The following CDC42BPA variants were observed in gnomAD, a reference collection of about 807,000 sequenced individuals.
CDC42BPA encodes CDC42 binding protein kinase alpha.
A neutral mutation model predicts 223.5 loss-of-function variants in CDC42BPA; 80 were observed. The observed-to-expected ratio is 0.36, with a 90% CI of 0.30 to 0.43. The LOEUF is 0.43. Among genes scored for constraint, CDC42BPA ranks in the 20% least tolerant of loss-of-function variants. CDC42BPA has a pLI of 1.00. For synonymous variants in CDC42BPA, 694 were observed against 718.6 expected (o/e 0.97, Z 0.55); for missense variants, 1,743 against 2,099.9 (o/e 0.83, Z 3.32).
intron 2 of CDC42BPA, among the ~76,000 whole-genome samples, chr1:227,217,386 T>C (rs972069064): frequency 1.4e-4 from 21 of 149,748 alleles, no homozygotes; most frequent in African/African-American, 5.2e-4. Context: ...GACGGAGGTG[T>C]GGTGAGCCAA....
intron 32 of CDC42BPA, among the ~76,000 whole-genome samples, chr1:227,021,267 T>A (rs1475884322): frequency 1.3e-5 from 2 of 152,072 alleles, no homozygotes; most frequent in Non-Finnish European, 2.9e-5. Context: ...ACCATAAACC[T>A]GCGACTTGTA....
chr1:227,014,382 G>T (rs1200981957), intron 34 of CDC42BPA, among the ~76,000 whole-genome samples: 1 of 151,848 alleles, frequency 6.6e-6, no homozygotes, highest in African/African-American at 2.4e-5. Flanking sequence ...ACTCCACAAA[G>T]AAAAGTATAT....
intron 12 of CDC42BPA, among the ~76,000 whole-genome samples, chr1:227,114,155 C>T (rs940717253): frequency 2.0e-5 from 3 of 151,716 alleles, no homozygotes; most frequent in Non-Finnish European, 2.9e-5. Flanking sequence ...CAAAAAATGA[C>T]GCTGGGTAAT....
At chr1:227,215,471 T>C (rs981552906) in intron 2 of CDC42BPA, among the ~76,000 whole-genome samples, 2 of 152,198 alleles carry the variant, frequency 1.3e-5, no homozygotes, top group African/African-American at 4.8e-5. Context: ...GTATAATCCT[T>C]GTACTCGGGA....
intron 1 of CDC42BPA, among the ~76,000 whole-genome samples, chr1:227,261,877 G>A (rs1018215760): frequency 6.6e-6 from 1 of 152,178 alleles, no homozygotes; most frequent in South Asian, 2.1e-4. Flanking sequence ...CAGCATAAGA[G>A]GAAAACATGA....
At chr1:227,183,824 A>G (rs1668335447) in intron 5 of CDC42BPA, among the ~76,000 whole-genome samples, 1 of 152,226 alleles carries the variant, frequency 6.6e-6, no homozygotes, top group South Asian at 2.1e-4. Context: ...GCAACATGTA[A>G]GAGATCCACT....
intron 1 of CDC42BPA, among the ~76,000 whole-genome samples, chr1:227,281,620 G>C (rs1489821392): frequency 1.3e-5 from 2 of 152,180 alleles, no homozygotes; most frequent in Non-Finnish European, 2.9e-5. Context: ...GAGGTAGTGG[G>C]ACCTGGAGGC....
At chr1:227,208,297 T>C (rs28787941) in intron 3 of CDC42BPA, among the ~76,000 whole-genome samples, 96,383 of 142,650 alleles carry the variant, frequency 0.68, 32,785 homozygotes, top group South Asian at 0.72. Context: ...TTCTCCCATT[T>C]TGTAGGTTGC....
intron 10 of CDC42BPA, among the ~76,000 whole-genome samples, chr1:227,131,784 T>C (rs910429519): frequency 1.3e-5 from 2 of 152,236 alleles, no homozygotes; most frequent in Admixed American, 6.5e-5. Context: ...CATTTACTTC[T>C]GACTTAAGTG....
At chr1:227,275,172 G>T (rs182489700) in intron 1 of CDC42BPA, among the ~76,000 whole-genome samples, 1 of 150,586 alleles carries the variant, frequency 6.6e-6, no homozygotes, top group African/African-American at 2.5e-5. Context: ...TAAACTAATG[G>T]CTCTTTTAAA....
Position 227,052,764 on chromosome 1 carries a change from C to G in CDC42BPA, c.2905-779G>C, listed in dbSNP as rs143233207. Among the ~76,000 whole-genome samples the G allele has an allele frequency of 6.0e-3, 908 of 152,210 alleles. 10 individuals carry two copies. The highest frequency in any genetic ancestry group is 0.021 in the African/African-American group (855 of 41,532). ...CAGAAATCACAAATCATAAAAACAC[C>G]ATCAGTTTAAGAATTTAAACATGAA... On this transcript the variant is annotated intron_variant, in intron 21 of 36. Coordinates refer to ENST00000366766, the MANE Select transcript of CDC42BPA (RefSeq NM_001394014.1).
intron 5 of CDC42BPA, among the ~76,000 whole-genome samples, chr1:227,163,147 T>C (rs1344394827): frequency 6.6e-6 from 1 of 151,798 alleles, no homozygotes; most frequent in Non-Finnish European, 1.5e-5. Flanking sequence ...TGTGTATGTT[T>C]CCAAACATAT....
intron 2 of CDC42BPA, among the ~76,000 whole-genome samples, chr1:227,246,724 C>T (rs556827896): frequency 5.9e-5 from 9 of 151,846 alleles, no homozygotes; most frequent in Non-Finnish European, 8.8e-5. Flanking sequence ...AAGACAGGTA[C>T]AAACAAGCCC....
chr1:227,129,022 C>A, intron 11 of CDC42BPA, 87 bp downstream of exon 11: 1 of 886,900 alleles, frequency 1.1e-6, no homozygotes, highest in Non-Finnish European at 1.7e-6. Flanking sequence ...ATAACACAGA[C>A]AGGTTCTCAA....
At chr1:227,054,139 C>T (rs1393949152) in intron 21 of CDC42BPA, among the ~76,000 whole-genome samples, 1 of 151,810 alleles carries the variant, frequency 6.6e-6, no homozygotes, top group Non-Finnish European at 1.5e-5. Flanking sequence ...TTGCAAAAGG[C>T]TTTATTTAGC....
At chr1:227,315,955 C>CAA (rs71180728) in intron 1 of CDC42BPA, among the ~76,000 whole-genome samples, 11,437 of 110,634 alleles carry the variant, frequency 0.1, 743 homozygotes, top group Middle Eastern at 0.17. Flanking sequence ...ATTTCAAATC[C>CAA]AAAAAAAAAA....
At chr1:227,132,385 G>A (rs916652991) in intron 10 of CDC42BPA, among the ~76,000 whole-genome samples, 1 of 151,650 alleles carries the variant, frequency 6.6e-6, no homozygotes. Context: ...CGCCAGCCTC[G>A]GCCTCCCGAG....
chr1:227,114,230 A>G (rs1446294555), intron 12 of CDC42BPA, among the ~76,000 whole-genome samples: 1 of 152,036 alleles, frequency 6.6e-6, no homozygotes, highest in African/African-American at 2.4e-5. Flanking sequence ...CCTATTCCCC[A>G]TCCTCAAATA....
rs66527313 is a variant in CDC42BPA, at chr1:227,060,030, G to GTTTTT, written c.2905-8050_2905-8046dup. ...CAATTATCTCAAAAAGTTTTTTTTT[G>GTTTTT]TTTTTTTTTTTTTTTTTTGAGACGG... On this transcript the variant is annotated intron_variant, in intron 21 of 36. Transcript: ENST00000366766. 1.8e-3 allele frequency among the ~76,000 whole-genome samples: 207 copies of GTTTTT among 117,650 alleles called. 12 individuals carry two copies. The East Asian group carries it at 0.035, about 20-fold the overall frequency. 77.2% of individuals were successfully genotyped at this position (117,650 alleles called of 152,430 possible). A position where few individuals can be genotyped will look rare whatever the true frequency, so the allele number is the denominator to read the frequency against.
Sources: gnomAD v4.1 joint callset for allele counts (sites outside exome capture counted in the v4.1 genomes callset) on GRCh38, gnomAD v4.1.1 for gene constraint, MANE v1.5 for transcripts, NCBI Gene and HGNC (gene_info 2026-07-23, HGNC 2026-07-21) for gene names.